The following CDK14 variants were observed in gnomAD, a reference collection of about 807,000 sequenced individuals.
The protein encoded by CDK14 is cyclin-dependent kinase 14.
A neutral mutation model predicts 60.7 loss-of-function variants in CDK14; 34 were observed. The ratio of observed to expected loss-of-function variants is 0.56; its 90% CI spans 0.43 to 0.75. The LOEUF (loss-of-function observed/expected upper bound fraction) is 0.75, where lower values mean the gene tolerates loss of function less well. Among genes scored for constraint, CDK14 ranks in the 30% least tolerant of loss-of-function variants. The pLI is 0.00. For missense variants in CDK14, 482 were observed against 564.1 expected, an observed-to-expected ratio of 0.85 and a Z score of 1.47; for synonymous variants, 197 against 203.7, an observed-to-expected ratio of 0.97 and a Z score of 0.28.
At chr7:90,947,599 TG>T (rs1335372729) in intron 8 of CDK14, among the ~76,000 whole-genome samples, 4 of 152,220 alleles carry the variant, frequency 2.6e-5, no homozygotes, top group African/African-American at 9.6e-5. Context: ...TTTGCCTCTG[TG>T]TAATGAGCAC....
At chr7:91,155,134 G>A (rs1800947868) in intron 14 of CDK14, among the ~76,000 whole-genome samples, 1 of 152,152 alleles carries the variant, frequency 6.6e-6, no homozygotes, top group South Asian at 2.1e-4. Context: ...TGAGAGGACA[G>A]GGCTTAGGAT....
chr7:91,116,907 G>A (rs1159961297), intron 13 of CDK14, among the ~76,000 whole-genome samples: 1 of 151,534 alleles, frequency 6.6e-6, no homozygotes, highest in Non-Finnish European at 1.5e-5. Context: ...GTGTCCTGGG[G>A]CTGAATCCTC....
intron 5 of CDK14, among the ~76,000 whole-genome samples, chr7:90,811,221 A>G (rs1280296997): frequency 6.6e-6 from 1 of 152,188 alleles, no homozygotes; most frequent in African/African-American, 2.4e-5. Flanking sequence ...AAACTATACT[A>G]CAAGGCTACA....
intron 2 of CDK14, chr7:90,632,108 T>C (rs1460027472): frequency 6.5e-6 from 1 of 154,348 alleles, no homozygotes; most frequent in Non-Finnish European, 1.5e-5. Context: ...CTCTGTGAAT[T>C]GCTCAGCAGC....
intron 14 of CDK14, among the ~76,000 whole-genome samples, chr7:91,159,826 T>G (rs987287077): frequency 2.6e-5 from 4 of 152,130 alleles, no homozygotes; most frequent in Admixed American, 6.6e-5. Context: ...GGTATGGCCA[T>G]GGTGGTGTTT....
chr7:91,084,360 A>T (rs1298891865), intron 12 of CDK14, among the ~76,000 whole-genome samples: 1 of 152,184 alleles, frequency 6.6e-6, no homozygotes, highest in African/African-American at 2.4e-5. Context: ...TGTCCTGGGG[A>T]AAACAGTGTT....
intron 2 of CDK14, among the ~76,000 whole-genome samples, chr7:90,663,266 T>G (rs923405565): frequency 1.3e-5 from 2 of 152,234 alleles, no homozygotes; most frequent in African/African-American, 4.8e-5. Context: ...TTATTACATA[T>G]TCACACTCTC....
chr7:90,814,473 C>CA (rs1190546202), intron 5 of CDK14, among the ~76,000 whole-genome samples: 1 of 151,862 alleles, frequency 6.6e-6, no homozygotes, highest in Non-Finnish European at 1.5e-5. Context: ...CCAATATGAG[C>CA]AAAAAACAAA....
In CDK14 at chr7:91,210,192, C is replaced by G. The variant is rs1219936087; in HGVS notation, c.*3056C>G. 6.6e-6 allele frequency: 1 copy of G among 152,590 alleles called. No individual in the cohort carries two copies. Among genetic ancestry groups the G allele is most frequent in the South Asian group, 2.1e-4 (1 of 4,828 alleles). 9.5% of individuals were successfully genotyped at this position (152,590 alleles called of 1,614,324 possible). On this transcript the variant is annotated 3_prime_UTR_variant, in exon 15 of 15. Coordinates refer to ENST00000380050, the MANE Select transcript of CDK14 (RefSeq NM_001287135.2). ...ATATGTTACTGCCTTGTACTTTTCT[C>G]ATACACCAAAAACACACCAAAAAAA...
At chr7:90,685,143 G>C (rs1450824027) in intron 2 of CDK14, among the ~76,000 whole-genome samples, 1 of 151,742 alleles carries the variant, frequency 6.6e-6, no homozygotes, top group Non-Finnish European at 1.5e-5. Flanking sequence ...ATTTATTTTA[G>C]CATAAGGATT....
intron 5 of CDK14, among the ~76,000 whole-genome samples, chr7:90,859,748 C>G (rs1205795868): frequency 6.6e-6 from 1 of 152,066 alleles, no homozygotes; most frequent in Non-Finnish European, 1.5e-5. Context: ...CAAATTTCAT[C>G]ATTTACATGA....
chr7:90,770,992 C>T (rs1584874819), intron 4 of CDK14, among the ~76,000 whole-genome samples: 1 of 152,200 alleles, frequency 6.6e-6, no homozygotes, highest in Non-Finnish European at 1.5e-5. Context: ...TCCCCTCACC[C>T]TGATGTCTGA....
At chr7:90,962,133 T>G (rs1402471181) in intron 9 of CDK14, among the ~76,000 whole-genome samples, 1 of 152,194 alleles carries the variant, frequency 6.6e-6, no homozygotes. Flanking sequence ...GCTACTAAAG[T>G]GCCGAATTTA....
intron 1 of CDK14, among the ~76,000 whole-genome samples, chr7:90,599,139 T>C (rs2116303045): frequency 6.6e-6 from 1 of 152,360 alleles, no homozygotes; most frequent in Non-Finnish European, 1.5e-5. Context: ...CCAAGGTCTC[T>C]CAACTTCTCT....
chr7:91,080,563 T>C (rs1584028489), intron 12 of CDK14, among the ~76,000 whole-genome samples: 2 of 152,356 alleles, frequency 1.3e-5, no homozygotes, highest in Admixed American at 1.3e-4. Flanking sequence ...TCCTGGGAGC[T>C]TCCTGTGCAT....
intron 14 of CDK14, among the ~76,000 whole-genome samples, chr7:91,191,338 T>A (rs1019299258): frequency 3.9e-5 from 6 of 152,064 alleles, no homozygotes; most frequent in African/African-American, 1.4e-4. Flanking sequence ...TCTTGGTGCT[T>A]GAAAATAAAG....
chr7:90,893,422 A>C (rs1182637080), intron 6 of CDK14, among the ~76,000 whole-genome samples: 1 of 152,210 alleles, frequency 6.6e-6, no homozygotes. Flanking sequence ...AGAAATAGCC[A>C]GAGATCAAGC....
At chr7:91,124,011 C>T (rs181350005) in intron 14 of CDK14, among the ~76,000 whole-genome samples, 21 of 152,108 alleles carry the variant, frequency 1.4e-4, no homozygotes, top group Non-Finnish European at 2.2e-4. Context: ...CTCAGCTTCC[C>T]GAGTAGCTAG....
chr7:91,011,000 A>G (rs544583575), intron 10 of CDK14, among the ~76,000 whole-genome samples: 88 of 151,876 alleles, frequency 5.8e-4, no homozygotes, highest in African/African-American at 2.0e-3. Context: ...ACTACTAAGG[A>G]TGATGTTAGC....
Sources: allele counts gnomAD v4.1 joint callset (sites outside exome capture counted in the v4.1 genomes callset), GRCh38; gene constraint gnomAD v4.1.1; transcripts MANE v1.5; gene names NCBI Gene and HGNC (gene_info 2026-07-23, HGNC 2026-07-21).